CDKL1: variants seen among roughly 807,000 people sequenced by gnomAD.
CDKL1 encodes the protein cyclin-dependent kinase-like 1.
A neutral mutation model predicts 42.0 loss-of-function variants in CDKL1; 41 were observed. That is an observed-to-expected ratio of 0.98 (90% confidence interval 0.76 to 1.27). The LOEUF (loss-of-function observed/expected upper bound fraction) is 1.27, where lower values mean the gene tolerates loss of function less well. Ranked by LOEUF, CDKL1 falls within the 50% of genes most tolerant of loss-of-function variation. CDKL1 has a pLI of 0.00. For missense variants in CDKL1, 394 were observed against 428.4 expected, an observed-to-expected ratio of 0.92 and a Z score of 0.71; for synonymous variants, 153 against 158.6, an observed-to-expected ratio of 0.96 and a Z score of 0.26.
chr14:50,335,791 T>C (rs1595258567), intron 7 of CDKL1: 2 of 985,376 alleles, frequency 2.0e-6, no homozygotes, highest in African/African-American at 1.7e-5. Context: ...TGTGGCCAGC[T>C]TTCACAGTAC....
chr14:50,378,308 T>A (rs552771349), intron 2 of CDKL1: 1 of 1,366,522 alleles, frequency 7.3e-7, no homozygotes, highest in African/African-American at 1.5e-5. Flanking sequence ...TTGCAGTGCC[T>A]GAGTAGGGCA....
chr14:50,358,866 C>T (rs2034148493), intron 3 of CDKL1, among the ~76,000 whole-genome samples, 162 bp downstream of exon 3: 1 of 151,954 alleles, frequency 6.6e-6, no homozygotes, highest in Non-Finnish European at 1.5e-5. Context: ...TCTTGAAGTC[C>T]TGACCTCAGA....
intron 2 of CDKL1, among the ~76,000 whole-genome samples, chr14:50,388,174 C>T (rs893440548): frequency 6.6e-6 from 1 of 152,206 alleles, no homozygotes; most frequent in Admixed American, 6.6e-5. Context: ...CAGGCATGAG[C>T]CACTGCAGCT....
intron 2 of CDKL1, among the ~76,000 whole-genome samples, chr14:50,360,786 T>TTTTG (rs1555341846): frequency 1.4e-5 from 2 of 144,604 alleles, no homozygotes; most frequent in Admixed American, 6.8e-5. Context: ...GTGTGTGTGT[T>TTTTG]TGTGTGTGTG....
intron 8 of CDKL1, 25 bp from the exon 9 acceptor site, chr14:50,332,457 TCTTA>T (rs369497672): frequency 5.1e-5 from 80 of 1,574,356 alleles, no homozygotes; most frequent in Admixed American, 1.8e-4. Flanking sequence ...AATTCCTTCT[TCTTA>T]CTTCTTCAAA....
At chr14:50,396,963 G>T, upstream of CDKL1, 1 of 661,214 alleles carries the variant, frequency 1.5e-6, no homozygotes, top group Non-Finnish European at 2.1e-6. Flanking sequence ...CCGCGCCCCA[G>T]CTTCCCACCC....
In CDKL1 at chr14:50,377,518, G is replaced by T. The variant is rs141605130; in HGVS notation, c.168+18183C>A. 2.5e-4 allele frequency: 281 copies of T among 1,132,414 alleles called. No homozygotes were observed. In the East Asian group the frequency reaches 6.0e-3, roughly 24 times the overall value. The allele number at this position is 1,132,414 out of a possible 1,614,324, so 70.1% of individuals were successfully genotyped here. On this transcript the variant is annotated intron_variant, in intron 2 of 9. Coordinates refer to ENST00000395834, the MANE Select transcript of CDKL1 (RefSeq NM_004196.7). Reference sequence around the variant, plus strand: ...TCTCAGACTTTACTTTCTGGGAGGTGCACAGTCTAAGACCATTGGTACCTG... The same window carrying T: ...TCTCAGACTTTACTTTCTGGGAGGTTCACAGTCTAAGACCATTGGTACCTG...
At chr14:50,382,478 T>G (rs2034942114) in intron 2 of CDKL1, among the ~76,000 whole-genome samples, 1 of 152,082 alleles carries the variant, frequency 6.6e-6, no homozygotes, top group South Asian at 2.1e-4. Flanking sequence ...TTTCAAAAAT[T>G]TAAAGTGAAA....
chr14:50,379,998 G>A (rs764978265), intron 2 of CDKL1: 46 of 420,220 alleles, frequency 1.1e-4, no homozygotes, highest in Non-Finnish European at 2.0e-4. Context: ...TTAGAGCACC[G>A]TTTCATACTG....
intron 3 of CDKL1, among the ~76,000 whole-genome samples, chr14:50,351,111 C>G (rs1332982312): frequency 2.6e-5 from 4 of 151,864 alleles, no homozygotes; most frequent in Non-Finnish European, 5.9e-5. Context: ...ATTTGAAATC[C>G]CTGGAGTCTA....
chr14:50,367,953 T>G (rs2034478825), intron 2 of CDKL1, among the ~76,000 whole-genome samples: 1 of 152,226 alleles, frequency 6.6e-6, no homozygotes, highest in Non-Finnish European at 1.5e-5. Context: ...AAAATTTTCA[T>G]TTTCAAATTA....
At chr14:50,335,275 G>A (rs1279140144) in intron 7 of CDKL1, among the ~76,000 whole-genome samples, 2 of 122,720 alleles carry the variant, frequency 1.6e-5, no homozygotes, top group Non-Finnish European at 3.2e-5. Context: ...CAGCATGGGC[G>A]ACAGAGCAAG....
chr14:50,352,647 T>C (rs1210404062), intron 3 of CDKL1, among the ~76,000 whole-genome samples: 1 of 152,118 alleles, frequency 6.6e-6, no homozygotes, highest in African/African-American at 2.4e-5. Flanking sequence ...AAGCGAAGAA[T>C]AGAGTTGAGG....
chr14:50,390,399 TC>T, intron 2 of CDKL1: 1 of 1,348,992 alleles, frequency 7.4e-7, no homozygotes, highest in Non-Finnish European at 9.9e-7. Flanking sequence ...TCTTTCCTCT[TC>T]TTACCATTTT....
chr14:50,360,495 C>T (rs920873886), intron 2 of CDKL1, among the ~76,000 whole-genome samples: 4 of 152,152 alleles, frequency 2.6e-5, no homozygotes, highest in African/African-American at 7.2e-5. Context: ...GCAACCTCCA[C>T]CTCCCAGATT....
intron 2 of CDKL1, among the ~76,000 whole-genome samples, chr14:50,370,291 G>C (rs1345948202): frequency 1.3e-5 from 2 of 151,968 alleles, no homozygotes; most frequent in Non-Finnish European, 2.9e-5. Context: ...TTGGCCTCAA[G>C]CTCCTGACCT....
chr14:50,334,919 A>ATTT, intron 7 of CDKL1: 1 of 152,560 alleles, frequency 6.6e-6, no homozygotes, highest in Non-Finnish European at 1.1e-5. Flanking sequence ...TTTTCTGAGC[A>ATTT]GTTTTTTTTT....
intron 2 of CDKL1, among the ~76,000 whole-genome samples, chr14:50,371,988 C>T (rs1300032238): frequency 6.6e-6 from 1 of 152,230 alleles, no homozygotes; most frequent in East Asian, 1.9e-4. Context: ...TCGGACCCCT[C>T]TGGACTTTGG....
chr14:50,332,901 T>A (rs1035085192), intron 8 of CDKL1: 23 of 348,030 alleles, frequency 6.6e-5, no homozygotes, highest in African/African-American at 3.0e-4. Context: ...TAAAATCAGC[T>A]ACTTTTTTTT....
Sources: gnomAD v4.1 joint callset for allele counts (sites outside exome capture counted in the v4.1 genomes callset) on GRCh38, gnomAD v4.1.1 for gene constraint, MANE v1.5 for transcripts, NCBI Gene and HGNC (gene_info 2026-07-23, HGNC 2026-07-21) for gene names.